Variants in EPB41 observed in about 807,000 individuals in gnomAD.
EPB41 encodes erythrocyte membrane protein band 4.1, also known as protein 4.1.
EPB41 carries 65 observed loss-of-function variants against 108.0 expected under a neutral mutation model. The observed-to-expected ratio is 0.60, with a 90% CI of 0.49 to 0.74. The LOEUF (loss-of-function observed/expected upper bound fraction) is 0.74. Ranked by LOEUF, EPB41 falls within the 30% of genes least tolerant of loss-of-function variation. The pLI is 0.00. For synonymous variants in EPB41, 336 were observed against 358.9 expected (o/e 0.94, Z 0.72); for missense variants, 875 against 1,037.0 (o/e 0.84, Z 2.15).
chr1:28,928,629 A>G (rs1487869150), intron 1 of EPB41, among the ~76,000 whole-genome samples: 1 of 152,218 alleles, frequency 6.6e-6, no homozygotes, highest in African/African-American at 2.4e-5. Flanking sequence ...TTGATACCTG[A>G]GAAAACTACA....
intron 7 of EPB41, among the ~76,000 whole-genome samples, chr1:29,024,028 A>T (rs1389485138): frequency 1.3e-5 from 2 of 151,994 alleles, no homozygotes; most frequent in Non-Finnish European, 2.9e-5. Context: ...GAGAGTTCAA[A>T]TATCTGCTAT....
At chr1:29,061,409 A>G (rs1000689385) in intron 15 of EPB41, among the ~76,000 whole-genome samples, 1 of 151,888 alleles carries the variant, frequency 6.6e-6, no homozygotes, top group African/African-American at 2.4e-5. Context: ...AGCTGGGACT[A>G]CAGGCGCCCG....
At chr1:28,914,391 G>T (rs577021923), upstream of EPB41, among the ~76,000 whole-genome samples, 55 of 152,296 alleles carry the variant, frequency 3.6e-4, no homozygotes, top group Non-Finnish European at 5.6e-4. Flanking sequence ...GCCTAGGGGA[G>T]GGGGGAAACA....
At chr1:29,015,603 A>C in intron 5 of EPB41, 89 bp from the exon 6 acceptor site, 1 of 877,402 alleles carries the variant, frequency 1.1e-6, no homozygotes, top group Non-Finnish European at 1.8e-6. Context: ...AAGAAAAAGA[A>C]AAAGAGAAAT....
intron 11 of EPB41, among the ~76,000 whole-genome samples, chr1:29,039,744 G>A (rs1218195600): frequency 6.6e-6 from 1 of 152,112 alleles, no homozygotes; most frequent in African/African-American, 2.4e-5. Context: ...AACCCAGGAG[G>A]TAGAGGTTGT....
At chr1:28,968,556 C>G (rs1255521929) in intron 1 of EPB41, among the ~76,000 whole-genome samples, 1 of 151,952 alleles carries the variant, frequency 6.6e-6, no homozygotes, top group Non-Finnish European at 1.5e-5. Flanking sequence ...CTGCCATATT[C>G]CCAGGGCTTA....
At chr1:29,061,363 G>A (rs1456185193) in intron 15 of EPB41, among the ~76,000 whole-genome samples, 4 of 151,954 alleles carry the variant, frequency 2.6e-5, no homozygotes, top group East Asian at 1.9e-4. Context: ...TCCGCTTCCC[G>A]GGTTCACGCC....
Position 29,018,491 on chromosome 1 carries a change from T to G in EPB41, c.1124+49T>G, listed in dbSNP as rs771374620. The G allele has an allele frequency of 4.2e-6, 6 of 1,432,680 alleles. No homozygotes were observed. The East Asian group carries it at 1.2e-4, about 30-fold the overall frequency. The allele number at this position is 1,432,680 out of a possible 1,614,324, so 88.7% of individuals were successfully genotyped here. Reference sequence around the variant, plus strand: ...TCGGTGTTTGTTTTGGCGATTAGTTTAAACACAACATGGTATTGGTTCATT... The same window carrying G: ...TCGGTGTTTGTTTTGGCGATTAGTTGAAACACAACATGGTATTGGTTCATT... On this transcript the variant is annotated intron_variant, in intron 7 of 20. Coordinates refer to ENST00000343067, the MANE Select transcript of EPB41 (RefSeq NM_001376013.1). This position sits in a 1 kb window ranked among gnomAD's most constrained non-coding sequence, Gnocchi z 4.4.
intron 4 of EPB41, among the ~76,000 whole-genome samples, chr1:29,002,466 A>T (rs1348221178): frequency 1.3e-5 from 2 of 151,770 alleles, no homozygotes; most frequent in East Asian, 1.9e-4. Context: ...AAAAAAAAAG[A>T]TAGTATTATT....
chr1:28,955,389 T>C (rs2094904509), intron 1 of EPB41, among the ~76,000 whole-genome samples: 1 of 152,006 alleles, frequency 6.6e-6, no homozygotes, highest in Non-Finnish European at 1.5e-5. Context: ...GTCGCCAGGC[T>C]GGAGGGCAGT....
chr1:28,967,584 C>T (rs756540624), intron 1 of EPB41, among the ~76,000 whole-genome samples: 3 of 152,060 alleles, frequency 2.0e-5, no homozygotes, highest in Non-Finnish European at 4.4e-5. Context: ...CCTTCATTTT[C>T]AGCAGTTTTC....
chr1:29,087,157 G>T (rs1659377727), intron 16 of EPB41, among the ~76,000 whole-genome samples: 1 of 151,808 alleles, frequency 6.6e-6, no homozygotes, highest in African/African-American at 2.4e-5. Context: ...TAGCCAGGAT[G>T]GTCTCCATCT....
At chr1:28,976,982 A>T (rs2095621719) in intron 1 of EPB41, among the ~76,000 whole-genome samples, 1 of 152,088 alleles carries the variant, frequency 6.6e-6, no homozygotes, top group South Asian at 2.1e-4. Context: ...CCTCCCAAGT[A>T]GCTAGGATTA....
intron 1 of EPB41, among the ~76,000 whole-genome samples, chr1:28,984,512 C>A (rs2095829236): frequency 6.6e-6 from 1 of 152,142 alleles, no homozygotes; most frequent in Admixed American, 6.5e-5. Flanking sequence ...CAGTCCTGTG[C>A]TAGGTGCCTG....
At chr1:28,937,430 T>G (rs1419128262) in intron 1 of EPB41, among the ~76,000 whole-genome samples, 1 of 152,174 alleles carries the variant, frequency 6.6e-6, no homozygotes, top group Non-Finnish European at 1.5e-5. Flanking sequence ...GTCTCGCTCT[T>G]GTCGCCCAGG....
In EPB41 at chr1:29,118,584, T is replaced by G. The variant is rs1461538197; in HGVS notation, c.*1772T>G. On this transcript the variant is annotated 3_prime_UTR_variant, in exon 21 of 21. Coordinates refer to ENST00000343067, the MANE Select transcript of EPB41 (RefSeq NM_001376013.1). ...CAAGAGAAATGTCTAAAGCTGCTTC[T>G]CCCAACACCGTCCAAAGTCTCCACT... 1 of 152,254 alleles carries G rather than the reference T, an allele frequency of 6.6e-6. No individual in the cohort carries two copies. Among genetic ancestry groups the G allele is most frequent in the Non-Finnish European group, 1.5e-5 (1 of 68,084 alleles). The allele number at this position is 152,254 out of a possible 1,614,324, so 9.4% of individuals were successfully genotyped here.
At chr1:28,983,712 CA>C (rs982430032) in intron 1 of EPB41, among the ~76,000 whole-genome samples, 5 of 152,106 alleles carry the variant, frequency 3.3e-5, no homozygotes, top group Non-Finnish European at 7.4e-5. Context: ...CAGCAGTATC[CA>C]GGGGGCAGTA....
At chr1:28,893,405 T>G (rs2090336580) in intron 1 of EPB41, 1 of 152,236 alleles carries the variant, frequency 6.6e-6, no homozygotes, top group African/African-American at 2.4e-5. Context: ...CTTGACACAA[T>G]CATCACAGTT....
At chr1:29,019,086 C>T (rs574221416) in intron 7 of EPB41, among the ~76,000 whole-genome samples, 1 of 152,214 alleles carries the variant, frequency 6.6e-6, no homozygotes, top group South Asian at 2.1e-4. Flanking sequence ...TGGAGATTAT[C>T]ACCTCAGAGA....
Sources: allele counts gnomAD v4.1 joint callset (sites outside exome capture counted in the v4.1 genomes callset), GRCh38; gene constraint gnomAD v4.1.1; non-coding constraint Gnocchi (gnomAD v3.1); transcripts MANE v1.5; gene names NCBI Gene and HGNC (gene_info 2026-07-23, HGNC 2026-07-21).